Variants in TSGA10 observed in about 807,000 individuals in gnomAD.
TSGA10 encodes testis-specific gene 10 protein.
A neutral mutation model predicts 96.6 loss-of-function variants in TSGA10; 43 were observed. The ratio of observed to expected loss-of-function variants is 0.44; its 90% confidence interval spans 0.35 to 0.57. The LOEUF is 0.57. TSGA10 is among the 20% of genes least tolerant of loss of function. The probability of loss-of-function intolerance (pLI) is 0.01; values close to 1 mark genes in which losing one functional copy is unlikely to be tolerated. For missense variants in TSGA10, 703 were observed against 834.4 expected (o/e 0.84, Z 1.94); for synonymous variants, 229 against 269.9 (o/e 0.85, Z 1.48).
intron 17 of TSGA10, among the ~76,000 whole-genome samples, chr2:99,031,549 A>C (rs1446378443): frequency 6.6e-6 from 1 of 152,182 alleles, no homozygotes; most frequent in Non-Finnish European, 1.5e-5. Context: ...GACCCTGTTA[A>C]GAGAATAAAA....
chr2:99,047,604 C>A (rs1429805902), intron 16 of TSGA10, among the ~76,000 whole-genome samples: 1 of 152,012 alleles, frequency 6.6e-6, no homozygotes, highest in Admixed American at 6.5e-5. Context: ...TATGACAAAC[C>A]CACAGCCAAT....
chr2:99,130,160 C>T (rs897792295), intron 1 of TSGA10, among the ~76,000 whole-genome samples: 1 of 152,182 alleles, frequency 6.6e-6, no homozygotes, highest in Non-Finnish European at 1.5e-5. Context: ...AATGGGATTG[C>T]TGTGTCAAAT....
intron 14 of TSGA10, 63 bp from the exon 15 acceptor site, chr2:99,069,061 A>G (rs1049374070): frequency 2.9e-5 from 22 of 764,266 alleles, no homozygotes; most frequent in South Asian, 9.3e-5. Context: ...TCTCAAAAAT[A>G]CCATAAACAA....
At chr2:99,007,989 T>G (rs1163780247) in intron 20 of TSGA10, among the ~76,000 whole-genome samples, 1 of 152,202 alleles carries the variant, frequency 6.6e-6, no homozygotes, top group Non-Finnish European at 1.5e-5. Context: ...TCAATGATCT[T>G]GCAACTTGAT....
At chr2:99,076,848 A>G (rs1341975153) in intron 12 of TSGA10, among the ~76,000 whole-genome samples, 1 of 151,902 alleles carries the variant, frequency 6.6e-6, no homozygotes, top group African/African-American at 2.4e-5. Context: ...CCTGACTACT[A>G]TCTAGTCATT....
intron 20 of TSGA10, among the ~76,000 whole-genome samples, chr2:99,016,957 C>T (rs2079561714): frequency 6.6e-6 from 1 of 152,138 alleles, no homozygotes; most frequent in African/African-American, 2.4e-5. Context: ...GAGATACCTA[C>T]CTTACTCCTG....
intron 17 of TSGA10, among the ~76,000 whole-genome samples, chr2:99,021,811 A>G (rs550954352): frequency 3.3e-5 from 5 of 152,310 alleles, no homozygotes; most frequent in Admixed American, 1.3e-4. Context: ...TATCTAGTCT[A>G]TTCTAGTCTA....
intron 11 of TSGA10, among the ~76,000 whole-genome samples, chr2:99,081,017 T>G (rs2087402453): frequency 6.6e-6 from 1 of 152,120 alleles, no homozygotes; most frequent in Non-Finnish European, 1.5e-5. Flanking sequence ...CAAATTTAAG[T>G]TATCATCGTA....
chr2:99,063,519 T>C (rs1191085860), intron 16 of TSGA10, among the ~76,000 whole-genome samples: 1 of 151,988 alleles, frequency 6.6e-6, no homozygotes, highest in African/African-American at 2.4e-5. Flanking sequence ...AAAATCAATA[T>C]GAAGGCAGGG....
chr2:99,073,077 GA>G lies in TSGA10; in HGVS notation c.883-5del. On this transcript the variant is annotated splice_region_variant and splice_polypyrimidine_tract_variant and intron_variant, in intron 12 of 20. Transcript: ENST00000393483. ...TCATGCCTGAAATGGTCTTTTCCTT[GA>G]AAAATAATATAAGTATTAAATAAAA... is the stretch of plus-strand genomic sequence containing the variant. 3 of 1,566,634 alleles carry G rather than the reference GA, an allele frequency of 1.9e-6. No individual in the cohort carries two copies. The highest frequency in any genetic ancestry group is 1.4e-5 in the African/African-American group (1 of 73,770).
At chr2:99,050,535 G>A (rs1242496279) in intron 16 of TSGA10, among the ~76,000 whole-genome samples, 1 of 152,062 alleles carries the variant, frequency 6.6e-6, no homozygotes, top group Non-Finnish European at 1.5e-5. Flanking sequence ...GAAAAAAATG[G>A]AGGAAAAGGG....
chr2:99,095,561 G>C (rs1258642288), intron 10 of TSGA10, among the ~76,000 whole-genome samples: 1 of 152,100 alleles, frequency 6.6e-6, no homozygotes, highest in African/African-American at 2.4e-5. Flanking sequence ...ATATACTTTA[G>C]TGAGATTTAA....
intron 16 of TSGA10, among the ~76,000 whole-genome samples, chr2:99,060,014 A>C (rs2104430427): frequency 6.6e-6 from 1 of 152,210 alleles, no homozygotes; most frequent in South Asian, 2.1e-4. Flanking sequence ...TATATGAGGC[A>C]AAAAATATCC....
chr2:99,088,135 C>T (rs2088793969), intron 10 of TSGA10, among the ~76,000 whole-genome samples: 1 of 152,038 alleles, frequency 6.6e-6, no homozygotes, highest in African/African-American at 2.4e-5. Flanking sequence ...CAAGGATAGC[C>T]CAAAGCTAGT....
intron 2 of TSGA10, chr2:99,126,217 G>C (rs1438205809): frequency 6.6e-6 from 1 of 152,494 alleles, no homozygotes; most frequent in Non-Finnish European, 1.5e-5. Flanking sequence ...GGCCTGAGCT[G>C]GCAGGAATGG....
chr2:99,126,088 C>A (rs1372821867), intron 2 of TSGA10: 4 of 152,386 alleles, frequency 2.6e-5, no homozygotes, highest in Non-Finnish European at 5.9e-5. Flanking sequence ...TCTGATATCA[C>A]CCTGGTGTGG....
intron 20 of TSGA10, among the ~76,000 whole-genome samples, chr2:99,011,383 C>T (rs545652074): frequency 6.6e-6 from 1 of 152,132 alleles, no homozygotes; most frequent in South Asian, 2.1e-4. Context: ...CTGCCCACCT[C>T]GGCCTCCCAA....
intron 15 of TSGA10, among the ~76,000 whole-genome samples, chr2:99,068,494 T>C (rs1028217200): frequency 6.6e-6 from 1 of 152,098 alleles, no homozygotes; most frequent in African/African-American, 2.4e-5. Flanking sequence ...TGCCTTGTGG[T>C]CCTAAAAAAA....
At chr2:99,148,841 T>G (rs1360320543) in intron 1 of TSGA10, among the ~76,000 whole-genome samples, 4 of 152,058 alleles carry the variant, frequency 2.6e-5, no homozygotes, top group Admixed American at 6.5e-5. Flanking sequence ...CTGTTTGGGA[T>G]GATTAAAAGT....
Sources: allele counts gnomAD v4.1 joint callset (sites outside exome capture counted in the v4.1 genomes callset), GRCh38; gene constraint gnomAD v4.1.1; transcripts MANE v1.5; gene names NCBI Gene and HGNC (gene_info 2026-07-23, HGNC 2026-07-21).